GPBP1: variants seen among roughly 807,000 people sequenced by gnomAD.
GPBP1 encodes the protein vasculin.
A neutral mutation model predicts 56.5 loss-of-function variants in GPBP1; 13 were observed. The ratio of observed to expected loss-of-function variants is 0.23; its 90% CI spans 0.15 to 0.37. GPBP1 has a LOEUF of 0.37. Ranked by LOEUF, GPBP1 falls within the 10% of genes least tolerant of loss-of-function variation. GPBP1 has a pLI of 1.00. For synonymous variants in GPBP1, 204 were observed against 188.9 expected, an observed-to-expected ratio of 1.08 and a Z score of -0.66; for missense variants, 477 against 572.3, an observed-to-expected ratio of 0.83 and a Z score of 1.70.
chr5:57,191,086 G>GC (rs1554059581), intron 2 of GPBP1, among the ~76,000 whole-genome samples: 1 of 150,204 alleles, frequency 6.7e-6, no homozygotes, highest in African/African-American at 2.4e-5. Flanking sequence ...CCTCTTAGCT[G>GC]TTTTTTTCTT....
intron 2 of GPBP1, among the ~76,000 whole-genome samples, chr5:57,199,541 T>C (rs1399650444): frequency 6.6e-6 from 1 of 151,414 alleles, no homozygotes; most frequent in African/African-American, 2.4e-5. Flanking sequence ...TTTCTTTTTA[T>C]ATATATATAT....
intron 2 of GPBP1, among the ~76,000 whole-genome samples, chr5:57,190,127 A>G (rs1754453905): frequency 6.7e-6 from 1 of 148,764 alleles, no homozygotes; most frequent in South Asian, 2.3e-4. Flanking sequence ...TGCACAGTAA[A>G]AGAACTATTA....
chr5:57,210,779 C>T (rs1755442289), intron 2 of GPBP1, among the ~76,000 whole-genome samples: 1 of 152,118 alleles, frequency 6.6e-6, no homozygotes, highest in Admixed American at 6.6e-5. Flanking sequence ...GCCTCTGAGA[C>T]CTCTCTCTTT....
chr5:57,175,294 G>T (rs912397065), intron 1 of GPBP1, among the ~76,000 whole-genome samples, 154 bp from the exon 2 acceptor site: 3 of 151,960 alleles, frequency 2.0e-5, no homozygotes, highest in East Asian at 3.9e-4. Flanking sequence ...GACTTTTATC[G>T]GGTGCTTGCT....
At chr5:57,219,375 C>CAAAAAAA (rs869152603) in intron 3 of GPBP1, among the ~76,000 whole-genome samples, 10 of 35,306 alleles carry the variant, frequency 2.8e-4, no homozygotes, top group Admixed American at 8.9e-4. Flanking sequence ...GACTCTGTCT[C>CAAAAAAA]AAAAAAAAAA....
At chr5:57,212,152 A>G (rs1755515989) in intron 2 of GPBP1, among the ~76,000 whole-genome samples, 1 of 149,622 alleles carries the variant, frequency 6.7e-6, no homozygotes, top group Non-Finnish European at 1.5e-5. Flanking sequence ...CCGATCTCGA[A>G]CTCCTGACCT....
intron 3 of GPBP1, among the ~76,000 whole-genome samples, chr5:57,219,644 G>T (rs1004503085): frequency 1.3e-5 from 2 of 151,918 alleles, no homozygotes; most frequent in African/African-American, 4.8e-5. Context: ...CCCCAGTCCT[G>T]CCTGGATGCA....
chr5:57,258,128 T>TTTA (rs1163397433), intron 10 of GPBP1, among the ~76,000 whole-genome samples: 1 of 152,204 alleles, frequency 6.6e-6, no homozygotes, highest in Non-Finnish European at 1.5e-5. Flanking sequence ...ACCGAAAATA[T>TTTA]TTATCAGAGG....
intron 3 of GPBP1, among the ~76,000 whole-genome samples, chr5:57,217,338 C>T (rs533476427): frequency 1.4e-3 from 210 of 151,940 alleles, no homozygotes; most frequent in African/African-American, 4.7e-3. Flanking sequence ...TTTGGGAGGC[C>T]GAGGCGGGCG....
At chr5:57,260,587 A>AT (rs1383596458) in intron 10 of GPBP1, among the ~76,000 whole-genome samples, 1 of 152,072 alleles carries the variant, frequency 6.6e-6, no homozygotes, top group Admixed American at 6.6e-5. Context: ...TTGGTGCAGA[A>AT]TTTTTTTCTT....
intron 5 of GPBP1, among the ~76,000 whole-genome samples, chr5:57,232,590 A>T (rs1756505469): frequency 6.6e-6 from 1 of 152,200 alleles, no homozygotes; most frequent in Admixed American, 6.5e-5. Context: ...TGCCTCTTTT[A>T]AAAAGTTTAA....
At chr5:57,179,475 A>AGTGCTGGGATTACAGGCCT in intron 2 of GPBP1, among the ~76,000 whole-genome samples, 1 of 152,176 alleles carries the variant, frequency 6.6e-6, no homozygotes, top group East Asian at 1.9e-4. Context: ...GGCCTCTCAA[A>AGTGCTGGGATTACAGGCCT]GTGCTGGGAT....
intron 10 of GPBP1, among the ~76,000 whole-genome samples, chr5:57,258,024 CT>C (rs1741739892): frequency 6.6e-6 from 1 of 152,114 alleles, no homozygotes; most frequent in African/African-American, 2.4e-5. Context: ...GGTCTTCTAA[CT>C]TCTAATCCTA....
chr5:57,226,393 A>G (rs1452790338), intron 3 of GPBP1, among the ~76,000 whole-genome samples: 1 of 152,068 alleles, frequency 6.6e-6, no homozygotes, highest in Non-Finnish European at 1.5e-5. Context: ...GCTGTATAAG[A>G]CCAGTTAAAT....
chr5:57,182,465 C>T (rs1029242350), intron 2 of GPBP1, among the ~76,000 whole-genome samples: 34 of 151,588 alleles, frequency 2.2e-4, no homozygotes, highest in African/African-American at 8.3e-4. Context: ...CTCCAACTCC[C>T]GGGTTCAAGT....
At chr5:57,199,545 T>C (rs1315705044) in intron 2 of GPBP1, among the ~76,000 whole-genome samples, 1 of 151,858 alleles carries the variant, frequency 6.6e-6, no homozygotes, top group African/African-American at 2.4e-5. Flanking sequence ...TTTTTATATA[T>C]ATATATATCT....
intron 3 of GPBP1, among the ~76,000 whole-genome samples, chr5:57,225,828 A>G (rs546768764): frequency 6.6e-6 from 1 of 152,364 alleles, no homozygotes; most frequent in African/African-American, 2.4e-5. Flanking sequence ...TGATGTGGAC[A>G]TGGGCAGTCA....
intron 9 of GPBP1, 129 bp downstream of exon 9, chr5:57,249,705 A>C (rs996530941): frequency 2.9e-6 from 2 of 689,604 alleles, no homozygotes; most frequent in Non-Finnish European, 4.5e-6. Flanking sequence ...ATTTGCATAA[A>C]TAATGACTTG....
rs190341923 is a variant in GPBP1 at position 57,250,762 on chromosome 5, C to T, written c.973-192C>T. On this transcript the variant is annotated intron_variant, in intron 9 of 11. Coordinates refer to ENST00000506184, the MANE Select transcript of GPBP1 (RefSeq NM_022913.4). ...GTTTCACCATTTTGGCCAGGCTCGT[C>T]GCAAACTCCTGACCTCAGATGATCC... 2.2e-3 allele frequency among the ~76,000 whole-genome samples: 332 copies of T among 152,122 alleles called. 1 individual carries two copies. Among genetic ancestry groups the T allele is most frequent in the African/African-American group, 7.6e-3 (317 of 41,498 alleles).
Sources: gnomAD v4.1 joint callset for allele counts (sites outside exome capture counted in the v4.1 genomes callset) on GRCh38, gnomAD v4.1.1 for gene constraint, MANE v1.5 for transcripts, NCBI Gene and HGNC (gene_info 2026-07-23, HGNC 2026-07-21) for gene names.